FBXW9: variants seen among roughly 807,000 people sequenced by gnomAD.
FBXW9 encodes the protein F-box and WD repeat domain containing 9.
FBXW9 carries 38 observed loss-of-function variants against 55.8 expected under a neutral mutation model. That is an observed-to-expected ratio of 0.68 (90% CI 0.53 to 0.89). FBXW9 has a LOEUF of 0.89. Among genes scored for constraint, FBXW9 ranks in the 40% least tolerant of loss-of-function variants. The pLI, the probability that FBXW9 is intolerant of heterozygous loss-of-function variation, is 0.00. For missense variants in FBXW9, 590 were observed against 619.4 expected, an observed-to-expected ratio of 0.95 and a Z score of 0.50; for synonymous variants, 289 against 278.2, an observed-to-expected ratio of 1.04 and a Z score of -0.38.
At chr19:12,690,263 G>A (rs1029457880) in intron 5 of FBXW9, 153 bp from the exon 6 acceptor site, 32 of 1,328,138 alleles carry the variant, frequency 2.4e-5, no homozygotes, top group East Asian at 1.3e-4. Flanking sequence ...CTCCTCTCCC[G>A]CCTCAGGTAA....
chr19:12,696,409 G>C lies in FBXW9; in HGVS notation c.173C>G (p.Ala58Gly), dbSNP rs1280438692. 2.5e-6 allele frequency: 4 copies of C among 1,611,402 alleles called. No homozygotes were observed. The highest frequency in any genetic ancestry group is 3.4e-6 in the Non-Finnish European group (4 of 1,179,532). ...SRPSQLSTPAASPSASEPRAA... is the reference protein window; with the variant it reads ...SRPSQLSTPAGSPSASEPRAA... The stretch of plus-strand genomic sequence containing the variant: ...CCGAGGCTCCGAAGCGCTCGGGGAC[G>C]CGGCGGGTGTGGATAGCTGCGAGGG... The change falls in exon 1 of 10, where the codon GCG becomes GGG. Residue 58 changes from alanine to glycine, a missense_variant. By Grantham distance (60) the Ala-to-Gly change is moderately conservative (BLOSUM62 0). Coordinates refer to ENST00000393261, the MANE Select transcript of FBXW9 (RefSeq NM_032301.3).
rs200642809 is a variant in FBXW9, at chr19:12,694,636, A to G, written c.636T>C (p.Val212=). The change falls in exon 3 of 10, where the codon GTT becomes GTC. Residue 212 remains valine, a synonymous_variant. Transcript: ENST00000393261. ...LRQLGTESNQ[V]LIKTLGTKRN... ...GCTTAGTGCCTAAGGTCTTGATCAG[A>G]ACCTGGTTGGACTCCGTCCCCAGCT... 1.4e-4 allele frequency: 227 copies of G among 1,614,070 alleles called. No homozygotes were observed. The highest frequency in any genetic ancestry group is 1.8e-4 in the Non-Finnish European group (212 of 1,180,036).
At chr19:12,694,337 C>CAA (rs1314324715) in intron 3 of FBXW9, among the ~76,000 whole-genome samples, 675 of 60,376 alleles carry the variant, frequency 0.011, 25 homozygotes, top group African/African-American at 0.029. Flanking sequence ...GACTCCGTCT[C>CAA]AAAAAAAAAA....
chr19:12,696,084 C>A (rs1349272631), intron 1 of FBXW9, 89 bp downstream of exon 1: 2 of 1,289,718 alleles, frequency 1.6e-6, no homozygotes, highest in Non-Finnish European at 1.0e-6. Flanking sequence ...AGGCTGCATC[C>A]GGAACACCCC....
chr19:12,689,742 G>T lies in FBXW9; in HGVS notation c.1146+19C>A. ...AAGCCCGGGGGGAGGGACAGTCAGG[G>T]GCAGGAGCTCCAGCAGACCCGGATA... On this transcript the variant is annotated intron_variant, in intron 7 of 9. Transcript: ENST00000393261. This position sits in a 1 kb window ranked among gnomAD's most constrained non-coding sequence, Gnocchi z 5.9. The T allele has an allele frequency of 6.2e-7, 1 of 1,612,334 alleles. No homozygotes were observed. Among genetic ancestry groups the T allele is most frequent in the South Asian group, 1.1e-5 (1 of 91,000 alleles).
intron 3 of FBXW9, 46 bp from the exon 4 acceptor site, chr19:12,691,500 G>A (rs2025008516): frequency 3.4e-6 from 5 of 1,474,078 alleles, no homozygotes; most frequent in Non-Finnish European, 4.6e-6. Context: ...AGCCCATGGG[G>A]GTCCCAGACT....
rs1020325585 is a variant in FBXW9, at chr19:12,694,698, A to G, written c.574T>C (p.Ser192Pro). 1 of 1,614,152 alleles carries G rather than the reference A, an allele frequency of 6.2e-7. No individual in the cohort carries two copies. The highest frequency in any genetic ancestry group is 1.3e-5 in the African/African-American group (1 of 75,042). ...CACAAGTTGACGTTGCGATCTCGGGAGCCCGACAGACAGAGTGACCCACCC... is the reference window on the plus strand; with the variant it reads ...CACAAGTTGACGTTGCGATCTCGGGGGCCCGACAGACAGAGTGACCCACCC... ...LQGGSLCLSG[S>P]RDRNVNLWDL... is the part of the protein sequence containing the mutation. The change falls in exon 3 of 10, where the codon TCC becomes CCC. Residue 192 changes from serine (S) to proline (P), a missense_variant. By Grantham distance (74) the Ser-to-Pro change is moderately conservative. Transcript: ENST00000393261.
rs979627663 is a variant in FBXW9, at chr19:12,696,567, T to G, written c.15A>C (p.Leu5=). The G allele has an allele frequency of 1.2e-6, 2 of 1,610,432 alleles. No individual in the cohort carries two copies. Among genetic ancestry groups the G allele is most frequent in the Non-Finnish European group, 1.7e-6 (2 of 1,179,852 alleles). The change falls in exon 1 of 10, where the codon CTA becomes CTC. Residue 5 remains leucine, a synonymous_variant. Transcript: ENST00000393261. The part of the protein sequence containing the change: MELP[L]GRCDDSRTWD... Reference sequence around the variant, plus strand: ...AGGTGCGGGAATCATCGCACCGCCCTAGGGGAAGCTCCATTGCGACCGGGT... The same window carrying G: ...AGGTGCGGGAATCATCGCACCGCCCGAGGGGAAGCTCCATTGCGACCGGGT...
At position 12,689,655 on chromosome 19, in the gene FBXW9, C is replaced by G. The variant is rs747116147; in HGVS notation, c.1147-25G>C. On this transcript the variant is annotated intron_variant, in intron 7 of 9. Transcript: ENST00000393261. This position sits in a 1 kb window ranked among gnomAD's most constrained non-coding sequence, Gnocchi z 5.9. ...ACTGCAGGAGGAGGATCAGGCAACA[C>G]TCAGTCGAGGCTCTCCCAAGGCCCG... 13 of 1,612,728 alleles carry G rather than the reference C, an allele frequency of 8.1e-6. No individual in the cohort carries two copies. The South Asian group carries it at 8.8e-5, about 11-fold the overall frequency.
intron 5 of FBXW9, 133 bp from the exon 6 acceptor site, chr19:12,690,243 T>C (rs1470418819): frequency 6.9e-7 from 1 of 1,453,784 alleles, no homozygotes; most frequent in African/African-American, 1.4e-5. Flanking sequence ...CCCCACAGAG[T>C]GACCCATCTC....
Position 12,689,028 on chromosome 19 carries a change from CTGAACCCCAA to C in FBXW9, c.*178_*187del. The C allele has an allele frequency of 1.4e-6, 1 of 707,106 alleles. No homozygotes were observed. Among genetic ancestry groups the C allele is most frequent in the Non-Finnish European group, 2.6e-6 (1 of 389,112 alleles). The allele number at this position is 707,106 out of a possible 1,614,324, so 43.8% of individuals were successfully genotyped here. A position where few individuals can be genotyped will look rare whatever the true frequency, so the allele number is the denominator to read the frequency against. ...GTGGGAAGCGGCCCCCTGGGTGGGC[CTGAACCCCAA>C]TTTCACCCTTCCCCCGGGCATAGGG... On this transcript the variant is annotated 3_prime_UTR_variant, in exon 10 of 10. Coordinates refer to ENST00000393261, the MANE Select transcript of FBXW9 (RefSeq NM_032301.3). The surrounding 1 kb of genome is among the most constrained non-coding windows in gnomAD (Gnocchi z 5.9).
Position 12,696,361 on chromosome 19 carries a change from A to G in FBXW9, c.221T>C (p.Val74Ala). ...EPRAASRVSAVSEPGLLSLPP... is the reference protein window; with the variant it reads ...EPRAASRVSAASEPGLLSLPP... The stretch of plus-strand genomic sequence containing the variant: ...AAGGCTCAGAAGGCCCGGCTCACTT[A>G]CGGCCGAAACCCTGGACGCGGCCCG... The change falls in exon 1 of 10, where the codon GTA (valine) becomes GCA (alanine). Residue 74 changes from valine to alanine, a missense_variant. Coordinates refer to ENST00000393261, the MANE Select transcript of FBXW9 (RefSeq NM_032301.3). The G allele has an allele frequency of 6.2e-7, 1 of 1,607,330 alleles. No homozygotes were observed. Among genetic ancestry groups the G allele is most frequent in the South Asian group, 1.1e-5 (1 of 90,492 alleles).
rs2024976600 is a variant in FBXW9 at position 12,689,697 on chromosome 19, C to T, written c.1146+64G>A. 2 of 1,606,432 alleles carry T rather than the reference C, an allele frequency of 1.2e-6. No individual in the cohort carries two copies. Among genetic ancestry groups the T allele is most frequent in the African/African-American group, 2.7e-5 (2 of 74,758 alleles). On this transcript the variant is annotated intron_variant, in intron 7 of 9. Coordinates refer to ENST00000393261, the MANE Select transcript of FBXW9 (RefSeq NM_032301.3). The surrounding 1 kb of genome is among the most constrained non-coding windows in gnomAD (Gnocchi z 5.9). ...CAAGGCCCGCCCTCCCCCACACCACCAGGGGCTCGGGTAGGAAGGAAGCCC... is the reference window on the plus strand; with the variant it reads ...CAAGGCCCGCCCTCCCCCACACCACTAGGGGCTCGGGTAGGAAGGAAGCCC...
intron 3 of FBXW9, among the ~76,000 whole-genome samples, chr19:12,692,281 G>A (rs1324840527): frequency 6.8e-6 from 1 of 147,186 alleles, no homozygotes; most frequent in East Asian, 2.0e-4. Flanking sequence ...AGGCTGGAGT[G>A]CAATGATACG....
rs1006838229 is a variant in FBXW9, at chr19:12,696,414, G to A, written c.168C>T (p.Pro56=). The A allele has an allele frequency of 6.2e-7, 1 of 1,611,742 alleles. No homozygotes were observed. Among genetic ancestry groups the A allele is most frequent in the Admixed American group, 1.7e-5 (1 of 59,968 alleles). The change falls in exon 1 of 10, where the codon CCC becomes CCT. Residue 56 remains proline, a synonymous_variant. Transcript: ENST00000393261. ...AFSRPSQLST[P]AASPSASEPR... Reference sequence around the variant, plus strand: ...GCTCCGAAGCGCTCGGGGACGCGGCGGGTGTGGATAGCTGCGAGGGGCGCG... The same window carrying A: ...GCTCCGAAGCGCTCGGGGACGCGGCAGGTGTGGATAGCTGCGAGGGGCGCG...
At position 12,696,526 on chromosome 19, in the gene FBXW9, T is replaced by A. The variant is rs1447001343; in HGVS notation, c.56A>T (p.Asp19Val). The A allele has an allele frequency of 1.2e-6, 2 of 1,612,584 alleles. No homozygotes were observed. Residue 19 changes from aspartate (D) to valine (V), a missense_variant, in exon 1 of 10, where the codon GAC (aspartate) becomes GTC (valine). By Grantham distance (152) the Asp-to-Val change is radical. Coordinates refer to ENST00000393261, the MANE Select transcript of FBXW9 (RefSeq NM_032301.3). ...GTCTGGGTCTGTCTCTGACTCTGGG[T>A]CCGAGTCATCGTCCCAGGTGCGGGA... ...DDSRTWDDDS[D>V]PESETDPDAQ...
chr19:12,691,375 A>ATGTCCCAGAGCTTCACTGTGC lies in FBXW9; in HGVS notation c.737_757dup (p.Ser246_Asp252dup). On this transcript the variant is annotated inframe_insertion, in exon 4 of 10. Transcript: ENST00000393261. The stretch of plus-strand genomic sequence containing the variant: ...GCCGAACTGCTGCCCATCCGCTGCC[A>ATGTCCCAGAGCTTCACTGTGC]TGTCCCAGAGCTTCACTGTGCTGTC... The ATGTCCCAGAGCTTCACTGTGC allele has an allele frequency of 6.2e-7, 1 of 1,613,278 alleles. No individual in the cohort carries two copies. The highest frequency in any genetic ancestry group is 8.5e-7 in the Non-Finnish European group (1 of 1,179,700).
rs779664904 is a variant in FBXW9 at position 12,694,765 on chromosome 19, C to T, written c.549+34G>A. On this transcript the variant is annotated intron_variant, in intron 2 of 9. Transcript: ENST00000393261. ...TGATGTTGTCAGGGCCACCCTGGCC[C>T]ACCCTGCCTGGCCCCCCACAGACCC... The T allele has an allele frequency of 7.4e-6, 12 of 1,613,708 alleles. No homozygotes were observed. In the South Asian group the frequency reaches 9.9e-5, roughly 13 times the overall value.
Position 12,689,672 on chromosome 19 carries a change from C to G in FBXW9, c.1147-42G>C. On this transcript the variant is annotated intron_variant, in intron 7 of 9. Transcript: ENST00000393261. The surrounding 1 kb of genome is among the most constrained non-coding windows in gnomAD (Gnocchi z 5.9). ...AGGCAACACTCAGTCGAGGCTCTCC[C>G]AAGGCCCGCCCTCCCCCACACCACC... 1 of 1,610,282 alleles carries G rather than the reference C, an allele frequency of 6.2e-7. No individual in the cohort carries two copies. Among genetic ancestry groups the G allele is most frequent in the Non-Finnish European group, 8.5e-7 (1 of 1,176,952 alleles).
Sources: gnomAD v4.1 joint callset for allele counts (sites outside exome capture counted in the v4.1 genomes callset) on GRCh38, gnomAD v4.1.1 for gene constraint, Gnocchi (gnomAD v3.1) non-coding constraint, MANE v1.5 for transcripts, NCBI Gene and HGNC (gene_info 2026-07-23, HGNC 2026-07-21) for gene names.